The following PIK3R3 variants were observed in gnomAD, a reference collection of about 807,000 sequenced individuals.
PIK3R3 encodes the protein phosphatidylinositol 3-kinase regulatory subunit gamma.
PIK3R3 carries 64 observed loss-of-function variants against 62.9 expected under a neutral mutation model. The observed-to-expected ratio is 1.02, with a 90% CI of 0.83 to 1.25. The LOEUF (loss-of-function observed/expected upper bound fraction) is 1.25. Ranked by LOEUF, PIK3R3 falls within the 50% of genes most tolerant of loss-of-function variation. The pLI is 0.00. For missense variants in PIK3R3, 614 were observed against 561.6 expected (o/e 1.09, Z -0.94); for synonymous variants, 165 against 189.0 (o/e 0.87, Z 1.04).
intron 1 of PIK3R3, among the ~76,000 whole-genome samples, chr1:46,123,395 G>A (rs1035450876): frequency 6.6e-6 from 1 of 152,094 alleles, no homozygotes; most frequent in Non-Finnish European, 1.5e-5. Context: ...GAAGGAATTC[G>A]ACTAGAAGTA....
At chr1:46,098,460 C>T (rs1476620866) in intron 1 of PIK3R3, among the ~76,000 whole-genome samples, 2 of 152,184 alleles carry the variant, frequency 1.3e-5, no homozygotes, top group Non-Finnish European at 2.9e-5. Context: ...TATCCATTAA[C>T]TGGTGAATGG....
In PIK3R3 at chr1:46,043,867, C is replaced by G. The variant is rs755888231; in HGVS notation, c.1192G>C (p.Asp398His). ...KGCYACSVVA[D>H]GEVKHCVIYS... The stretch of plus-strand genomic sequence containing the variant: ...ATCACACAGTGCTTCACTTCCCCAT[C>G]GGCCCTGCAATGACAAACCACAGAA... Residue 398 changes from aspartate (D) to histidine (H), a missense_variant, in exon 10 of 10, where the codon GAT (aspartate) becomes CAT (histidine). Physicochemically the swap from Asp to His is moderately conservative, Grantham distance 81. Coordinates refer to ENST00000262741, the MANE Select transcript of PIK3R3 (RefSeq NM_003629.4). 6.2e-7 allele frequency: 1 copy of G among 1,612,634 alleles called. No homozygotes were observed. Among genetic ancestry groups the G allele is most frequent in the Non-Finnish European group, 8.5e-7 (1 of 1,179,154 alleles).
chr1:46,061,903 C>T, intron 6 of PIK3R3, 26 bp downstream of exon 6: 1 of 1,601,162 alleles, frequency 6.2e-7, no homozygotes, highest in Non-Finnish European at 8.5e-7. Flanking sequence ...CTCACTGATG[C>T]CCTTGGAGGT....
At chr1:46,132,931 G>A (rs555369435), upstream of PIK3R3, 298 of 1,164,364 alleles carry the variant, frequency 2.6e-4, no homozygotes, top group Non-Finnish European at 3.1e-4. Context: ...CGATCCGGGC[G>A]CTGGCCGCAC....
the PIK3R3 span, among the ~76,000 whole-genome samples, chr1:46,172,512 A>G: frequency 6.6e-6 from 1 of 152,046 alleles, no homozygotes; most frequent in East Asian, 1.9e-4. Flanking sequence ...TAGCTGGGAG[A>G]ACCTGTTTCT....
intron 7 of PIK3R3, among the ~76,000 whole-genome samples, chr1:46,048,551 G>C (rs1351033469): frequency 6.6e-6 from 1 of 152,032 alleles, no homozygotes; most frequent in African/African-American, 2.4e-5. Context: ...TAAAGAAACT[G>C]ACCTTCTCTT....
chr1:46,042,993 T>A lies in PIK3R3; in HGVS notation c.*680A>T, dbSNP rs1231526643. ...GAGTGCCACGTTTTCCCATCAAACA[T>A]TGGTCTGGCAACAAACTGTTTTGTT... On this transcript the variant is annotated 3_prime_UTR_variant, in exon 10 of 10. Transcript: ENST00000262741. This position sits in a 1 kb window ranked among gnomAD's most constrained non-coding sequence, Gnocchi z 4.3. The A allele has an allele frequency of 4.6e-6, 1 of 219,272 alleles. No individual in the cohort carries two copies. The allele number at this position is 219,272 out of a possible 1,614,324, so 13.6% of individuals were successfully genotyped here. A position where few individuals can be genotyped will look rare whatever the true frequency, so the allele number is the denominator to read the frequency against.
intron 1 of PIK3R3, among the ~76,000 whole-genome samples, chr1:46,109,163 A>AAC (rs1653494888): frequency 1.2e-5 from 1 of 86,840 alleles, no homozygotes; most frequent in Admixed American, 1.1e-4. Context: ...ACTCTGTCTC[A>AAC]AAAAAAAAAA....
intron 3 of PIK3R3, among the ~76,000 whole-genome samples, chr1:46,075,484 T>C (rs1221274752): frequency 6.6e-6 from 1 of 152,116 alleles, no homozygotes; most frequent in Non-Finnish European, 1.5e-5. Context: ...TAGCTGGGTG[T>C]GGTGGCATGC....
chr1:46,165,978 G>A, the PIK3R3 span, among the ~76,000 whole-genome samples: 1 of 149,644 alleles, frequency 6.7e-6, no homozygotes, highest in Non-Finnish European at 1.5e-5. Context: ...TTTCACCTGT[G>A]TTAGCCAGGA....
chr1:46,129,874 T>C (rs1420670299), intron 1 of PIK3R3, among the ~76,000 whole-genome samples: 1 of 152,196 alleles, frequency 6.6e-6, no homozygotes, highest in African/African-American at 2.4e-5. Context: ...AGCATATGTA[T>C]TTTTCAGTAT....
At chr1:46,045,644 T>TTTTTTTTTTTTTTTTTTTTTTTTTC (rs370501368) in intron 9 of PIK3R3, among the ~76,000 whole-genome samples, 6 of 82,680 alleles carry the variant, frequency 7.3e-5, no homozygotes, top group East Asian at 4.6e-4. Context: ...TTTTTTTTTT[T>TTTTTTTTTTTTTTTTTTTTTTTTTC]CAATTTAAGA....
chr1:46,151,493 C>CA, the PIK3R3 span, among the ~76,000 whole-genome samples: 2 of 152,230 alleles, frequency 1.3e-5, no homozygotes, highest in African/African-American at 4.8e-5. Flanking sequence ...TCTGTAATCC[C>CA]AATACTTTGA....
rs989543900 is a variant in PIK3R3, at chr1:46,094,972, T to C, written c.107-14222A>G. On this transcript the variant is annotated intron_variant, in intron 1 of 9. Coordinates refer to ENST00000262741, the MANE Select transcript of PIK3R3 (RefSeq NM_003629.4). ...ATTTTATCTTTGGAGACACATATGA[T>C]ATTTTCATAAAATTATACTACTATT... Among the ~76,000 whole-genome samples, 61 of 152,212 alleles carry C rather than the reference T, an allele frequency of 4.0e-4. 1 individual carries two copies. Among genetic ancestry groups the C allele is most frequent in the Non-Finnish European group, 1.8e-4 (12 of 68,028 alleles).
intron 1 of PIK3R3, among the ~76,000 whole-genome samples, chr1:46,105,784 G>A (rs779318058): frequency 5.3e-5 from 8 of 151,662 alleles, no homozygotes; most frequent in Non-Finnish European, 8.8e-5. Flanking sequence ...GGCAGAGGTT[G>A]CAGTGAGCCA....
chr1:46,130,979 G>A (rs930817516), intron 1 of PIK3R3, among the ~76,000 whole-genome samples: 3 of 152,112 alleles, frequency 2.0e-5, no homozygotes, highest in Admixed American at 6.5e-5. Flanking sequence ...CAAAATGTCT[G>A]TAATAGCGTC....
intron 1 of PIK3R3, among the ~76,000 whole-genome samples, chr1:46,124,026 T>C (rs1318500342): frequency 6.6e-6 from 1 of 151,926 alleles, no homozygotes; most frequent in Non-Finnish European, 1.5e-5. Flanking sequence ...ATGGATAAAA[T>C]GTGGCCCCAG....
chr1:46,077,908 T>G (rs1251806224), intron 2 of PIK3R3, among the ~76,000 whole-genome samples: 1 of 152,204 alleles, frequency 6.6e-6, no homozygotes, highest in Non-Finnish European at 1.5e-5. Context: ...AAGGGTTTCC[T>G]TAGGCAGGTC....
intron 1 of PIK3R3, among the ~76,000 whole-genome samples, chr1:46,105,445 G>A (rs1191000259): frequency 2.0e-5 from 3 of 151,508 alleles, no homozygotes; most frequent in East Asian, 2.0e-4. Flanking sequence ...CGGAGGTTAC[G>A]GTAAGCCAAG....
Sources: allele counts gnomAD v4.1 joint callset (sites outside exome capture counted in the v4.1 genomes callset), GRCh38; gene constraint gnomAD v4.1.1; non-coding constraint Gnocchi (gnomAD v3.1); transcripts MANE v1.5; gene names NCBI Gene and HGNC (gene_info 2026-07-23, HGNC 2026-07-21).